The following KAZN variants were observed in gnomAD, a reference collection of about 807,000 sequenced individuals.
The protein encoded by KAZN is kazrin, periplakin interacting protein, also known as kazrin.
KAZN carries 40 observed loss-of-function variants against 87.4 expected under a neutral mutation model. The observed-to-expected ratio is 0.46, with a 90% CI of 0.36 to 0.60. KAZN has a LOEUF of 0.60. Ranked by LOEUF, KAZN falls within the 20% of genes least tolerant of loss-of-function variation. KAZN has a pLI of 0.00. For synonymous variants in KAZN, 466 were observed against 458.3 expected, an observed-to-expected ratio of 1.02 and a Z score of -0.22; for missense variants, 898 against 1,073.9, an observed-to-expected ratio of 0.84 and a Z score of 2.29.
chr1:14,496,248 C>G (rs889822515), intron 2 of KAZN, among the ~76,000 whole-genome samples: 3 of 152,050 alleles, frequency 2.0e-5, no homozygotes, highest in Non-Finnish European at 2.9e-5. Flanking sequence ...GTGAAGCTAA[C>G]AAGGAAAAAG....
intron 4 of KAZN, among the ~76,000 whole-genome samples, chr1:15,046,396 C>T (rs942489303): frequency 4.6e-5 from 7 of 151,774 alleles, no homozygotes; most frequent in South Asian, 4.2e-4. Context: ...GTTGTCTTCA[C>T]GCTGAGTGGC....
intron 1 of KAZN, among the ~76,000 whole-genome samples, chr1:14,044,925 C>T (rs749208083): frequency 2.0e-5 from 3 of 152,052 alleles, no homozygotes; most frequent in Non-Finnish European, 2.9e-5. Context: ...GTAGATCAGA[C>T]CACATACTCT....
intron 2 of KAZN, among the ~76,000 whole-genome samples, chr1:14,299,921 T>G (rs1265566927): frequency 6.6e-6 from 1 of 152,102 alleles, no homozygotes; most frequent in Non-Finnish European, 1.5e-5. Context: ...TCATGAGCAT[T>G]AAGGCAATTA....
At chr1:14,943,894 A>T (rs58591397) in intron 1 of KAZN, among the ~76,000 whole-genome samples, 5,482 of 152,284 alleles carry the variant, frequency 0.036, 313 homozygotes, top group African/African-American at 0.12. Flanking sequence ...CAACATGGTG[A>T]AACCCTGTCT....
rs71000353 is a variant in KAZN at position 14,982,417 on chromosome 1, A to ATTTTT, written c.418+21568_418+21572dup. On this transcript the variant is annotated intron_variant, in intron 2 of 14. Coordinates refer to ENST00000376030, the MANE Select transcript of KAZN (RefSeq NM_201628.3). ...GGGGCCGCTGTTCTCAGCACCTGAG[A>ATTTTT]TTTTTTTTTTTTTTTTTTTTTTTTT... is the stretch of plus-strand genomic sequence containing the variant. 2.3e-4 allele frequency among the ~76,000 whole-genome samples: 15 copies of ATTTTT among 64,828 alleles called. 2 individuals are homozygous for ATTTTT. Among genetic ancestry groups the ATTTTT allele is most frequent in the African/African-American group, 7.9e-4 (10 of 12,728 alleles). 42.5% of individuals were successfully genotyped at this position (64,828 alleles called of 152,430 possible). A position where few individuals can be genotyped will look rare whatever the true frequency, so the allele number is the denominator to read the frequency against.
intron 1 of KAZN, among the ~76,000 whole-genome samples, chr1:14,878,207 CCACT>C (rs1347684451): frequency 6.6e-6 from 1 of 152,090 alleles, no homozygotes; most frequent in East Asian, 1.9e-4. Flanking sequence ...TGCCTGAAGG[CCACT>C]TATCACCCCA....
intron 2 of KAZN, among the ~76,000 whole-genome samples, chr1:14,362,327 T>C (rs896352067): frequency 6.6e-6 from 1 of 152,240 alleles, no homozygotes; most frequent in African/African-American, 2.4e-5. Context: ...TCCTCAGTTT[T>C]TGTGATACGG....
chr1:14,342,599 G>A (rs373097662), intron 2 of KAZN, among the ~76,000 whole-genome samples: 9 of 152,104 alleles, frequency 5.9e-5, no homozygotes, highest in East Asian at 1.9e-4. Flanking sequence ...ACTGAGTGCC[G>A]AACCCAATGC....
At chr1:14,842,308 G>A (rs1447878506) in intron 1 of KAZN, among the ~76,000 whole-genome samples, 2 of 152,120 alleles carry the variant, frequency 1.3e-5, no homozygotes, top group African/African-American at 4.8e-5. Flanking sequence ...TTTTCCCTCT[G>A]GTGGATCCAT....
intron 2 of KAZN, among the ~76,000 whole-genome samples, chr1:15,028,830 G>A (rs1671417027): frequency 6.6e-6 from 1 of 152,232 alleles, no homozygotes; most frequent in South Asian, 2.1e-4. Context: ...TCATGGGAGA[G>A]GGTAGCAGCA....
chr1:15,073,459 A>G (rs1232174376), intron 8 of KAZN, among the ~76,000 whole-genome samples: 4 of 151,748 alleles, frequency 2.6e-5, no homozygotes, highest in African/African-American at 9.7e-5. Flanking sequence ...GGTTGAGGCC[A>G]CCTTCCTGGG....
chr1:14,032,667 C>G (rs1641378594), intron 1 of KAZN, among the ~76,000 whole-genome samples: 1 of 152,152 alleles, frequency 6.6e-6, no homozygotes, highest in Non-Finnish European at 1.5e-5. Context: ...TAGTTACACC[C>G]CTCCCATCCT....
chr1:13,964,335 G>A (rs949636049), intron 1 of KAZN, among the ~76,000 whole-genome samples: 1 of 152,240 alleles, frequency 6.6e-6, no homozygotes, highest in Non-Finnish European at 1.5e-5. Flanking sequence ...AGCAGTAGAA[G>A]TTGGTTGACA....
At chr1:14,761,361 A>C (rs530523560) in intron 1 of KAZN, among the ~76,000 whole-genome samples, 139 of 152,144 alleles carry the variant, frequency 9.1e-4, no homozygotes, top group Admixed American at 1.6e-3. Context: ...TCTGTTCTCT[A>C]TCACCTCAGT....
At chr1:15,020,274 C>T (rs1670535353) in intron 2 of KAZN, among the ~76,000 whole-genome samples, 1 of 152,190 alleles carries the variant, frequency 6.6e-6, no homozygotes, top group African/African-American at 2.4e-5. Context: ...TTTCTAAAAG[C>T]TTTTAATTAA....
Position 15,103,394 on chromosome 1 carries a change from G to T in KAZN, c.1815G>T (p.Gln605His), listed in dbSNP as rs1205281628. Residue 605 changes from glutamine (Q) to histidine (H), a missense_variant, in exon 12 of 15, where the codon CAG (glutamine) becomes CAT (histidine). This residue lies in a region of KAZN where 521 missense variants were observed against 689.4 expected (regional missense o/e 0.76). Coordinates refer to ENST00000376030, the MANE Select transcript of KAZN (RefSeq NM_201628.3). ...AGCGCCGGGCCCGCTGCGAGACGCA[G>T]AACATTGACCCCGTGGTGTGGACCA... ...LQERRARCET[Q>H]NIDPVVWTNQ... 5 of 1,552,232 alleles carry T rather than the reference G, an allele frequency of 3.2e-6. No individual in the cohort carries two copies. The East Asian group carries it at 1.2e-4, about 38-fold the overall frequency.
chr1:14,816,882 A>T (rs571539366), intron 1 of KAZN, among the ~76,000 whole-genome samples: 3 of 152,296 alleles, frequency 2.0e-5, no homozygotes, highest in East Asian at 3.9e-4. Flanking sequence ...AAGCTAGGAG[A>T]TTCTACAGGG....
At chr1:13,940,283 AT>A (rs35052658) in intron 1 of KAZN, among the ~76,000 whole-genome samples, 122,177 of 149,520 alleles carry the variant, frequency 0.82, 49,818 homozygotes, top group South Asian at 0.91. Flanking sequence ...CTGTTGGGAG[AT>A]TTTTTTTTTT....
chr1:14,062,998 G>T (rs1453763344), intron 1 of KAZN, among the ~76,000 whole-genome samples: 3 of 152,158 alleles, frequency 2.0e-5, no homozygotes, highest in African/African-American at 7.2e-5. Flanking sequence ...AACATGTTTT[G>T]TTAAGCAAAT....
Sources: allele counts gnomAD v4.1 joint callset (sites outside exome capture counted in the v4.1 genomes callset), GRCh38; gene constraint gnomAD v4.1.1; regional missense constraint gnomAD v4.1.1; transcripts MANE v1.5; gene names NCBI Gene and HGNC (gene_info 2026-07-23, HGNC 2026-07-21).